The following SPATS2L variants were observed in gnomAD, a reference collection of about 807,000 sequenced individuals.
SPATS2L encodes the protein spermatogenesis associated serine rich 2 like, also known as SPATS2-like protein.
Under a neutral mutation model 59.6 loss-of-function variants are expected in SPATS2L, and 30 were observed. That is an observed-to-expected ratio of 0.50 (90% CI 0.38 to 0.68). The LOEUF (loss-of-function observed/expected upper bound fraction) is 0.68, where lower values mean the gene tolerates loss of function less well. Among genes scored for constraint, SPATS2L ranks in the 30% least tolerant of loss-of-function variants. The probability of loss-of-function intolerance (pLI) is 0.00; values close to 1 mark genes in which losing one functional copy is unlikely to be tolerated. For synonymous variants in SPATS2L, 252 were observed against 263.5 expected (o/e 0.96, Z 0.42); for missense variants, 615 against 700.0 (o/e 0.88, Z 1.37).
chr2:200,417,694 G>A (rs2083123098), intron 5 of SPATS2L, among the ~76,000 whole-genome samples: 1 of 152,188 alleles, frequency 6.6e-6, no homozygotes, highest in South Asian at 2.1e-4. Flanking sequence ...TTCAACCTGG[G>A]ACACACACCT....
chr2:200,471,801 T>C (rs561076563), intron 11 of SPATS2L, among the ~76,000 whole-genome samples: 1 of 152,304 alleles, frequency 6.6e-6, no homozygotes, highest in Admixed American at 6.5e-5. Flanking sequence ...TTGTGATTCT[T>C]ACTGGTCCCG....
intron 2 of SPATS2L, among the ~76,000 whole-genome samples, chr2:200,363,859 A>T (rs1362902996): frequency 6.6e-6 from 1 of 152,224 alleles, no homozygotes; most frequent in East Asian, 1.9e-4. Context: ...CACATACCAG[A>T]GGAAGGAAAA....
upstream of SPATS2L, chr2:200,306,412 A>C (rs1480870889): frequency 2.0e-6 from 2 of 1,002,214 alleles, no homozygotes; most frequent in African/African-American, 1.7e-5. Context: ...TGGAGCAAGC[A>C]AGCAAAGTGC....
At chr2:200,400,880 TG>T (rs1328354550) in intron 3 of SPATS2L, among the ~76,000 whole-genome samples, 1 of 152,206 alleles carries the variant, frequency 6.6e-6, no homozygotes, top group Non-Finnish European at 1.5e-5. Flanking sequence ...AAAAGAAATC[TG>T]GGTTGTTGAT....
In SPATS2L at chr2:200,344,524, G is replaced by A. The variant is rs145121848; in HGVS notation, c.-23+15044G>A. 3.9e-5 allele frequency among the ~76,000 whole-genome samples: 6 copies of A among 152,212 alleles called. No homozygotes were observed. The East Asian group carries it at 9.7e-4, about 25-fold the overall frequency. ...CTTTGCCATTGTGAATAATGCCGCA[G>A]TGAACATTTGTGTGCATGTGTCTTT... On this transcript the variant is annotated intron_variant, in intron 2 of 12. Coordinates refer to ENST00000409140, the MANE Select transcript of SPATS2L (RefSeq NM_001100423.2).
intron 1 of SPATS2L, 48 bp from the exon 2 acceptor site, chr2:200,329,383 C>T (rs1485155033): frequency 6.8e-7 from 1 of 1,465,640 alleles, no homozygotes; most frequent in South Asian, 1.2e-5. Context: ...GGTGGTGTGG[C>T]TACTAATTTG....
At chr2:200,421,300 G>A (rs2083298098) in intron 6 of SPATS2L, among the ~76,000 whole-genome samples, 1 of 152,170 alleles carries the variant, frequency 6.6e-6, no homozygotes, top group Admixed American at 6.5e-5. Context: ...AAAGGATTTG[G>A]AGGGTTAGAG....
At chr2:200,325,808 G>C (rs2079717753) in intron 1 of SPATS2L, among the ~76,000 whole-genome samples, 1 of 152,176 alleles carries the variant, frequency 6.6e-6, no homozygotes, top group Non-Finnish European at 1.5e-5. Context: ...TACAAACTCA[G>C]TATTTCTATA....
At chr2:200,428,723 G>A (rs2083731028) in intron 6 of SPATS2L, among the ~76,000 whole-genome samples, 5 of 152,124 alleles carry the variant, frequency 3.3e-5, no homozygotes. Context: ...CTCTCTTTTA[G>A]TGTTCCCGAT....
intron 8 of SPATS2L, among the ~76,000 whole-genome samples, chr2:200,454,960 C>A (rs2106168139): frequency 6.6e-6 from 1 of 152,286 alleles, no homozygotes; most frequent in African/African-American, 2.4e-5. Context: ...GGTGGGAGAA[C>A]AAATTTCAGT....
intron 8 of SPATS2L, among the ~76,000 whole-genome samples, chr2:200,458,185 C>T (rs913408288): frequency 2.6e-5 from 4 of 152,138 alleles, no homozygotes; most frequent in Non-Finnish European, 5.9e-5. Context: ...TAAAGTTTCT[C>T]TTTATGGAAG....
At position 200,478,008 on chromosome 2, in the gene SPATS2L, C is replaced by A; in HGVS notation, c.1654C>A (p.Pro552Thr). 6.4e-7 allele frequency: 1 copy of A among 1,565,976 alleles called. No individual in the cohort carries two copies. The highest frequency in any genetic ancestry group is 8.7e-7 in the Non-Finnish European group (1 of 1,155,420). Residue 552 changes from proline to threonine, a missense_variant, in exon 13 of 13, where the codon CCG (proline) becomes ACG (threonine). Transcript: ENST00000409140. ...VSTDAAVLSV[P>T]AVTLVA ...CACAGATGCAGCAGTTCTCTCAGTC[C>A]CGGCTGTGACGTTGGTGGCCTGAGC...
rs2082388765 is a variant in SPATS2L at position 200,397,374 on chromosome 2, G to GT, written c.39+8096dup. 3.3e-5 allele frequency among the ~76,000 whole-genome samples: 5 copies of GT among 152,196 alleles called. No individual in the cohort carries two copies. In the South Asian group the frequency reaches 1.0e-3, roughly 32 times the overall value. ...ATGATCCTTCGTATTAAATTATTCA[G>GT]TTTTTACGGAGAAGAAAATGACAAT... On this transcript the variant is annotated intron_variant, in intron 3 of 12. Transcript: ENST00000409140.
intron 3 of SPATS2L, 27 bp from the exon 4 acceptor site, chr2:200,412,284 A>G (rs745719467): frequency 2.4e-6 from 3 of 1,239,110 alleles, no homozygotes; most frequent in South Asian, 2.9e-5. Context: ...TCACATTTCT[A>G]TTTCTTTTTT....
rs2086673781 is a variant in SPATS2L, at chr2:200,467,415, T to C, written c.957+16T>C. On this transcript the variant is annotated intron_variant, in intron 10 of 12. Transcript: ENST00000409140. Reference sequence around the variant, plus strand: ...AGAAATTAAGGTCAGTTCTAAAATATCACAGCCTGAACCCTGAGCCAGAGA... The same window carrying C: ...AGAAATTAAGGTCAGTTCTAAAATACCACAGCCTGAACCCTGAGCCAGAGA... 1 of 1,572,844 alleles carries C rather than the reference T, an allele frequency of 6.4e-7. No individual in the cohort carries two copies.
At chr2:200,397,515 T>C (rs1246694601) in intron 3 of SPATS2L, among the ~76,000 whole-genome samples, 1 of 152,166 alleles carries the variant, frequency 6.6e-6, no homozygotes, top group African/African-American at 2.4e-5. Flanking sequence ...AACTCAGACC[T>C]TAAAATTGTT....
chr2:200,350,760 C>G (rs1336183061), intron 2 of SPATS2L, among the ~76,000 whole-genome samples: 1 of 152,068 alleles, frequency 6.6e-6, no homozygotes, highest in Non-Finnish European at 1.5e-5. Context: ...GTCATCGGCT[C>G]CTGACCTCAA....
intron 8 of SPATS2L, among the ~76,000 whole-genome samples, chr2:200,445,471 C>T (rs911672883): frequency 5.3e-5 from 8 of 152,196 alleles, no homozygotes; most frequent in African/African-American, 1.9e-4. Context: ...TCAATGTGGT[C>T]AACAGGTGGC....
At chr2:200,403,801 T>C (rs1191359607) in intron 3 of SPATS2L, among the ~76,000 whole-genome samples, 1 of 152,364 alleles carries the variant, frequency 6.6e-6, no homozygotes, top group East Asian at 1.9e-4. Flanking sequence ...TCCAGCACCA[T>C]GGACCCACAG....
Sources: allele counts gnomAD v4.1 joint callset (sites outside exome capture counted in the v4.1 genomes callset), GRCh38; gene constraint gnomAD v4.1.1; transcripts MANE v1.5; gene names NCBI Gene and HGNC (gene_info 2026-07-23, HGNC 2026-07-21).